Variants in CCDC127 observed in about 807,000 individuals in gnomAD.
The protein encoded by CCDC127 is coiled-coil domain-containing protein 127.
In CCDC127, 2 loss-of-function variants were observed where a neutral mutation model predicts 4.1. That is an observed-to-expected ratio of 0.49 (90% confidence interval 0.20 to 1.53). CCDC127 has a LOEUF of 1.53. Ranked by LOEUF, CCDC127 falls within the 40% of genes most tolerant of loss-of-function variation. The probability of loss-of-function intolerance (pLI) is 0.23; values close to 1 mark genes in which losing one functional copy is unlikely to be tolerated. For missense variants in CCDC127, 271 were observed against 322.9 expected (o/e 0.84, Z 1.23); for synonymous variants, 98 against 120.4 (o/e 0.81, Z 1.22).
In CCDC127 at chr5:200,663, C is replaced by A. The variant is rs1434201304; in HGVS notation, c.*4634G>T. 1 of 152,276 alleles carries A rather than the reference C, an allele frequency of 6.6e-6. No individual in the cohort carries two copies. Among genetic ancestry groups the A allele is most frequent in the Non-Finnish European group, 1.5e-5 (1 of 68,066 alleles). 9.4% of individuals were successfully genotyped at this position (152,276 alleles called of 1,614,324 possible). A position where few individuals can be genotyped will look rare whatever the true frequency, so the allele number is the denominator to read the frequency against. On this transcript the variant is annotated 3_prime_UTR_variant, in exon 3 of 3. Coordinates refer to ENST00000296824, the MANE Select transcript of CCDC127 (RefSeq NM_145265.3). The stretch of plus-strand genomic sequence containing the variant: ...CAGCCTTAAATCCCTCTTTAACTTT[C>A]TAGGCTAGCACAAATCCATCTCTGC...
intron 2 of CCDC127, among the ~76,000 whole-genome samples, chr5:210,511 C>T (rs903206653): frequency 1.3e-5 from 2 of 152,204 alleles, no homozygotes; most frequent in African/African-American, 4.8e-5. Flanking sequence ...CAGGAGGATA[C>T]GCTGATGGCA....
rs1734056443 is a variant in CCDC127, at chr5:200,563, T to A, written c.*4734A>T. 2 of 152,002 alleles carry A rather than the reference T, an allele frequency of 1.3e-5. No homozygotes were observed. Among genetic ancestry groups the A allele is most frequent in the South Asian group, 4.2e-4 (2 of 4,818 alleles). The allele number at this position is 152,002 out of a possible 1,614,324, so 9.4% of individuals were successfully genotyped here. ...ACAAGTACTCCGAGGCCCCTGAGAGTCCCTTATTTGTCTTTCTGGTTCTTC... is the reference window on the plus strand; with the variant it reads ...ACAAGTACTCCGAGGCCCCTGAGAGACCCTTATTTGTCTTTCTGGTTCTTC... On this transcript the variant is annotated 3_prime_UTR_variant, in exon 3 of 3. Coordinates refer to ENST00000296824, the MANE Select transcript of CCDC127 (RefSeq NM_145265.3).
intron 1 of CCDC127, 112 bp downstream of exon 1, chr5:217,981 T>C (rs1397456727): frequency 3.4e-6 from 2 of 596,136 alleles, no homozygotes; most frequent in African/African-American, 3.9e-5. Context: ...CCGACCCCAT[T>C]CCCTGCGGTC....
chr5:211,009 G>A (rs373239065), intron 2 of CCDC127, among the ~76,000 whole-genome samples: 781 of 66,760 alleles, frequency 0.012, no homozygotes, highest in Admixed American at 0.04. Flanking sequence ...CGGGACAGCA[G>A]TGTGAGCACG....
chr5:210,207 G>GA (rs1275458241), intron 2 of CCDC127, among the ~76,000 whole-genome samples: 1 of 152,156 alleles, frequency 6.6e-6, no homozygotes, highest in Non-Finnish European at 1.5e-5. Flanking sequence ...ACTTTAGGAA[G>GA]AAAAAACCTT....
Position 197,075 on chromosome 5 carries a change from A to T in CCDC127, c.*8222T>A, listed in dbSNP as rs140417889. Reference sequence around the variant, plus strand: ...TCTATGTCGTAATTAAGTTCAAGGGAAGGTACTATGCCTGGACGTGCACGT... The same window carrying T: ...TCTATGTCGTAATTAAGTTCAAGGGTAGGTACTATGCCTGGACGTGCACGT... On this transcript the variant is annotated 3_prime_UTR_variant, in exon 3 of 3. Coordinates refer to ENST00000296824, the MANE Select transcript of CCDC127 (RefSeq NM_145265.3). 13 of 151,558 alleles carry T rather than the reference A, an allele frequency of 8.6e-5. No individual in the cohort carries two copies. Among genetic ancestry groups the T allele is most frequent in the East Asian group, 5.8e-4 (3 of 5,186 alleles). The allele number at this position is 151,558 out of a possible 1,614,324, so 9.4% of individuals were successfully genotyped here. A position where few individuals can be genotyped will look rare whatever the true frequency, so the allele number is the denominator to read the frequency against.
Position 209,710 on chromosome 5 carries a change from C to G in CCDC127, c.122-3752G>C, listed in dbSNP as rs958943219. 2.0e-4 allele frequency among the ~76,000 whole-genome samples: 31 copies of G among 152,192 alleles called. 1 individual carries two copies. Among genetic ancestry groups the G allele is most frequent in the African/African-American group, 7.0e-4 (29 of 41,448 alleles). On this transcript the variant is annotated intron_variant, in intron 2 of 2. Coordinates refer to ENST00000296824, the MANE Select transcript of CCDC127 (RefSeq NM_145265.3). Reference sequence around the variant, plus strand: ...TAGGACTCCCCCACAAACACAGAAACAATCCTTTGCAGCCTGGTCACAAAC... The same window carrying G: ...TAGGACTCCCCCACAAACACAGAAAGAATCCTTTGCAGCCTGGTCACAAAC...
chr5:209,803 A>C (rs1734243198), intron 2 of CCDC127, among the ~76,000 whole-genome samples: 1 of 152,274 alleles, frequency 6.6e-6, no homozygotes, highest in Non-Finnish European at 1.5e-5. Flanking sequence ...GAGACAAAAG[A>C]CGGGTTCAAT....
chr5:205,757 G>C lies in CCDC127; in HGVS notation c.323C>G (p.Ser108Cys). The C allele has an allele frequency of 6.2e-7, 1 of 1,614,170 alleles. No homozygotes were observed. Among genetic ancestry groups the C allele is most frequent in the African/African-American group, 1.3e-5 (1 of 75,040 alleles). ...RTASYREALI[S>C]QGRKLVEEKK... is the part of the protein sequence containing the mutation. ...TTCTTCTACCAACTTGCGTCCCTGA[G>C]AGATAAGGGCTTCTCGGTAACTAGC... The change falls in exon 3 of 3, where the codon TCT (serine) becomes TGT (cysteine). Residue 108 changes from serine to cysteine, a missense_variant. By Grantham distance (112) the Ser-to-Cys change is moderately radical (BLOSUM62 -1). Around this residue, in one of 2 missense-constraint regions of CCDC127, gnomAD observed 265 missense variants for 270.9 expected, o/e 0.98. Transcript: ENST00000296824.
At chr5:206,897 G>C (rs1295546173) in intron 2 of CCDC127, among the ~76,000 whole-genome samples, 1 of 152,138 alleles carries the variant, frequency 6.6e-6, no homozygotes, top group Non-Finnish European at 1.5e-5. Flanking sequence ...AAGCCACTGA[G>C]AGCAGCAGTC....
chr5:205,679 A>G lies in CCDC127; in HGVS notation c.401T>C (p.Val134Ala), dbSNP rs781615165. Residue 134 changes from valine (V) to alanine (A), a missense_variant, in exon 3 of 3, where the codon GTG becomes GCG. Around this residue, in one of 2 missense-constraint regions of CCDC127, gnomAD observed 265 missense variants for 270.9 expected, o/e 0.98. Coordinates refer to ENST00000296824, the MANE Select transcript of CCDC127 (RefSeq NM_145265.3). ...RAQVMQEKRQVQPLRSAYLSC... is the reference protein window; with the variant it reads ...RAQVMQEKRQAQPLRSAYLSC... ...CAAATACGCACTTCTCAAAGGCTGC[A>G]CCTGTCTTTTTTCTTGCATCACCTG... 4.3e-6 allele frequency: 7 copies of G among 1,614,058 alleles called. No homozygotes were observed. The Admixed American group carries it at 1.2e-4, about 27-fold the overall frequency.
rs746473615 is a variant in CCDC127 at position 205,861 on chromosome 5, C to T, written c.219G>A (p.Lys73=). 6.2e-7 allele frequency: 1 copy of T among 1,614,202 alleles called. No individual in the cohort carries two copies. Among genetic ancestry groups the T allele is most frequent in the Admixed American group, 1.7e-5 (1 of 60,030 alleles). Residue 73 remains lysine (K), a synonymous_variant, in exon 3 of 3, where the codon AAG becomes AAA. Transcript: ENST00000296824. ...GATTTTCTGAGATCATGGCGTGGTACTTGGCTTCCAGATCCTGTTGAAAAG... is the reference window on the plus strand; with the variant it reads ...GATTTTCTGAGATCATGGCGTGGTATTTGGCTTCCAGATCCTGTTGAAAAG... ...TAAFQQDLEA[K]YHAMISENRR... is the part of the protein sequence containing the mutation.
chr5:203,505 T>C lies in CCDC127; in HGVS notation c.*1792A>G, dbSNP rs142597935. 1.1e-4 allele frequency: 17 copies of C among 152,344 alleles called. No individual in the cohort carries two copies. The highest frequency in any genetic ancestry group is 4.1e-4 in the African/African-American group (17 of 41,580). 9.4% of individuals were successfully genotyped at this position (152,344 alleles called of 1,614,324 possible). On this transcript the variant is annotated 3_prime_UTR_variant, in exon 3 of 3. Transcript: ENST00000296824. Reference sequence around the variant, plus strand: ...CGCCGCGCTCAAGGGGTTCCACGGATTTCAAACAACGCATGCGTGTAAAGC... The same window carrying C: ...CGCCGCGCTCAAGGGGTTCCACGGACTTCAAACAACGCATGCGTGTAAAGC...
At chr5:211,267 T>C (rs1206914782) in intron 2 of CCDC127, among the ~76,000 whole-genome samples, 1 of 77,674 alleles carries the variant, frequency 1.3e-5, no homozygotes, top group Non-Finnish European at 2.5e-5. Flanking sequence ...TGGGGCAGAC[T>C]GGACAGCAGT....
rs375957087 is a variant in CCDC127, at chr5:205,480, G to A, written c.600C>T (p.Ala200=). The A allele has an allele frequency of 1.8e-5, 29 of 1,613,920 alleles. 1 individual carries two copies. The African/African-American group carries it at 2.0e-4, about 11-fold the overall frequency. Residue 200 remains alanine, a synonymous_variant, in exon 3 of 3, where the codon GCC becomes GCT. Coordinates refer to ENST00000296824, the MANE Select transcript of CCDC127 (RefSeq NM_145265.3). ...LLVRASVDPV[A]ADLEMAAGLT... is the part of the protein sequence containing the mutation. ...GACCGGCTGCCATCTCTAGGTCAGC[G>A]GCGACGGGGTCGACGGACGCTCGCA...
In CCDC127 at chr5:205,658, T is replaced by C. The variant is rs767545894; in HGVS notation, c.422A>G (p.Tyr141Cys). The C allele has an allele frequency of 6.2e-7, 1 of 1,614,196 alleles. No homozygotes were observed. The highest frequency in any genetic ancestry group is 8.5e-7 in the Non-Finnish European group (1 of 1,180,020). Residue 141 changes from tyrosine to cysteine, a missense_variant, in exon 3 of 3, where the codon TAT (tyrosine) becomes TGT (cysteine). Physicochemically the swap from Tyr to Cys is radical, Grantham distance 194 (BLOSUM62 -2). Around this residue, in one of 2 missense-constraint regions of CCDC127, gnomAD observed 265 missense variants for 270.9 expected, o/e 0.98. Transcript: ENST00000296824. ...TTCTTCCCTTTGCAGGCAGCTCAAA[T>C]ACGCACTTCTCAAAGGCTGCACCTG... is the stretch of plus-strand genomic sequence containing the variant. ...KRQVQPLRSA[Y>C]LSCLQREENW...
chr5:206,073 C>T (rs546452290), intron 2 of CCDC127, 115 bp from the exon 3 acceptor site: 144 of 911,924 alleles, frequency 1.6e-4, no homozygotes, highest in African/African-American at 7.7e-4. Flanking sequence ...CTTAAGACCT[C>T]GGCTGTACCA....
Position 201,713 on chromosome 5 carries a change from C to T in CCDC127, c.*3584G>A, listed in dbSNP as rs183651850. ...CCAGGTCAATTGTGATGCCTTCGAA[C>T]TTCATTCCAAAGTCAAGTCTGAAGC... On this transcript the variant is annotated 3_prime_UTR_variant, in exon 3 of 3. Transcript: ENST00000296824. The T allele has an allele frequency of 1.3e-5, 2 of 152,332 alleles. No homozygotes were observed. The highest frequency in any genetic ancestry group is 3.9e-4 in the East Asian group (2 of 5,188). The allele number at this position is 152,332 out of a possible 1,614,324, so 9.4% of individuals were successfully genotyped here. A position where few individuals can be genotyped will look rare whatever the true frequency, so the allele number is the denominator to read the frequency against.
rs1420169115 is a variant in CCDC127, at chr5:216,803, G to A, written c.47C>T (p.Ser16Phe). 6.2e-7 allele frequency: 1 copy of A among 1,603,224 alleles called. No homozygotes were observed. The highest frequency in any genetic ancestry group is 1.7e-4 in the Middle Eastern group (1 of 6,030). Residue 16 changes from serine (S) to phenylalanine (F), a missense_variant, in exon 2 of 3, where the codon TCC becomes TTC. Around this residue, in one of 2 missense-constraint regions of CCDC127, gnomAD observed 6 missense variants for 52.1 expected, o/e 0.12. Coordinates refer to ENST00000296824, the MANE Select transcript of CCDC127 (RefSeq NM_145265.3). ...DPPNWNIRPN[S>F]RADGGDGSRW... ...GCTTCCATCACCACCATCCGCCCTGGAATTAGGCCGGATATTCCAATTTGG... is the reference window on the plus strand; with the variant it reads ...GCTTCCATCACCACCATCCGCCCTGAAATTAGGCCGGATATTCCAATTTGG...
Sources: gnomAD v4.1 joint callset for allele counts (sites outside exome capture counted in the v4.1 genomes callset) on GRCh38, gnomAD v4.1.1 for gene constraint, gnomAD v4.1.1 regional missense constraint, MANE v1.5 for transcripts, NCBI Gene and HGNC (gene_info 2026-07-23, HGNC 2026-07-21) for gene names.